FUT9: variants seen among roughly 807,000 people sequenced by gnomAD.
The protein encoded by FUT9 is fucosyltransferase 9.
In FUT9, 15 loss-of-function variants were observed where a neutral mutation model predicts 29.7. The ratio of observed to expected loss-of-function variants is 0.51; its 90% CI spans 0.34 to 0.78. The LOEUF (loss-of-function observed/expected upper bound fraction) is 0.78. FUT9 is among the 30% of genes least tolerant of loss of function. FUT9 has a pLI of 0.01. For missense variants in FUT9, 319 were observed against 425.4 expected (o/e 0.75, Z 2.20); for synonymous variants, 169 against 153.7 (o/e 1.10, Z -0.74).
At chr6:96,084,148 CAGAG>C (rs1286532317) in intron 1 of FUT9, among the ~76,000 whole-genome samples, 1 of 151,982 alleles carries the variant, frequency 6.6e-6, no homozygotes, top group Non-Finnish European at 1.5e-5. Context: ...AAAATTAAAA[CAGAG>C]AGAGAGATAG....
chr6:96,150,913 GAA>G (rs1350230975), intron 2 of FUT9, among the ~76,000 whole-genome samples: 1 of 152,140 alleles, frequency 6.6e-6, no homozygotes, highest in Admixed American at 6.5e-5. Flanking sequence ...TTTAGCTTTT[GAA>G]GTTTTATAAT....
At chr6:96,165,698 C>A (rs539367843) in intron 2 of FUT9, among the ~76,000 whole-genome samples, 3 of 152,142 alleles carry the variant, frequency 2.0e-5, no homozygotes, top group African/African-American at 7.2e-5. Flanking sequence ...TCACTGCAAC[C>A]TCCACCTCCC....
intron 1 of FUT9, among the ~76,000 whole-genome samples, chr6:96,089,844 G>A (rs1262930516): frequency 1.3e-5 from 2 of 152,180 alleles, no homozygotes; most frequent in African/African-American, 4.8e-5. Context: ...CATTATTAGT[G>A]CAAGGTAAGT....
intron 2 of FUT9, among the ~76,000 whole-genome samples, chr6:96,144,702 T>TTGC (rs377455984): frequency 6.6e-6 from 1 of 152,250 alleles, no homozygotes; most frequent in African/African-American, 2.4e-5. Context: ...TTATCAAACA[T>TTGC]TGCATAGTTT....
chr6:96,042,262 A>G (rs149764096), intron 1 of FUT9, among the ~76,000 whole-genome samples: 151 of 152,278 alleles, frequency 9.9e-4, no homozygotes, highest in African/African-American at 3.5e-3. Flanking sequence ...AGAAACCCTA[A>G]CCTTAAATAT....
At chr6:96,080,966 T>C (rs1176127171) in intron 1 of FUT9, among the ~76,000 whole-genome samples, 1 of 151,952 alleles carries the variant, frequency 6.6e-6, no homozygotes, top group Non-Finnish European at 1.5e-5. Flanking sequence ...TAATTTATAA[T>C]ATCACATTTT....
chr6:96,045,386 T>A (rs549469965), intron 1 of FUT9, among the ~76,000 whole-genome samples: 1 of 152,228 alleles, frequency 6.6e-6, no homozygotes, highest in African/African-American at 2.4e-5. Context: ...GACTGTCATA[T>A]GCTATCCCAG....
Position 96,174,439 on chromosome 6 carries a change from T to C in FUT9, c.-8-28709T>C, listed in dbSNP as rs192138674. ...ATGGCAAATTATAATAAGAAAGAAG[T>C]AAATTACACCTAAAAATAAAAAAAC... On this transcript the variant is annotated intron_variant, in intron 2 of 2. Transcript: ENST00000302103. Among the ~76,000 whole-genome samples, 660 of 152,014 alleles carry C rather than the reference T, an allele frequency of 4.3e-3. 4 individuals carry two copies. Among genetic ancestry groups the C allele is most frequent in the African/African-American group, 0.015 (637 of 41,496 alleles).
intron 1 of FUT9, among the ~76,000 whole-genome samples, chr6:96,081,422 C>A (rs1771235389): frequency 6.6e-6 from 1 of 151,798 alleles, no homozygotes. Context: ...ACTCCTTTCT[C>A]TCCACATCTT....
intron 1 of FUT9, among the ~76,000 whole-genome samples, chr6:96,028,763 T>C (rs1770210339): frequency 4.6e-5 from 7 of 151,606 alleles, no homozygotes; most frequent in Admixed American, 4.6e-4. Flanking sequence ...CAGAATATTA[T>C]ATAATAATGC....
At chr6:96,103,289 A>G (rs1217757219) in intron 1 of FUT9, among the ~76,000 whole-genome samples, 1 of 152,066 alleles carries the variant, frequency 6.6e-6, no homozygotes, top group Non-Finnish European at 1.5e-5. Context: ...CTTTGTCCTA[A>G]ATTTCCATCT....
In FUT9 at chr6:96,181,449, T is replaced by A. The variant is rs142668640; in HGVS notation, c.-8-21699T>A. On this transcript the variant is annotated intron_variant, in intron 2 of 2. Coordinates refer to ENST00000302103, the MANE Select transcript of FUT9 (RefSeq NM_006581.4). ...TTTCTTCATAGTTCTTTTTTAATTTTTTTTTCATAGGTTATTGGGGGAACA... is the reference window on the plus strand; with the variant it reads ...TTTCTTCATAGTTCTTTTTTAATTTATTTTTCATAGGTTATTGGGGGAACA... 3.4e-4 allele frequency among the ~76,000 whole-genome samples: 52 copies of A among 152,088 alleles called. 1 individual carries two copies. The highest frequency in any genetic ancestry group is 1.2e-3 in the African/African-American group (50 of 41,544).
intron 2 of FUT9, among the ~76,000 whole-genome samples, chr6:96,180,903 A>G (rs1293941616): frequency 6.7e-6 from 1 of 149,186 alleles, no homozygotes; most frequent in Non-Finnish European, 1.5e-5. Context: ...TGATGACTTA[A>G]GCAAATGCTC....
Position 96,075,032 on chromosome 6 carries a change from C to T in FUT9, c.-97-39007C>T, listed in dbSNP as rs559040577. ...CTCCTGGCCTCAAGCAACCCTTCCACCTTGGCCTCCCAAAGCACTGGGATT... is the reference window on the plus strand; with the variant it reads ...CTCCTGGCCTCAAGCAACCCTTCCATCTTGGCCTCCCAAAGCACTGGGATT... On this transcript the variant is annotated intron_variant, in intron 1 of 2. Coordinates refer to ENST00000302103, the MANE Select transcript of FUT9 (RefSeq NM_006581.4). 5.9e-5 allele frequency among the ~76,000 whole-genome samples: 9 copies of T among 152,162 alleles called. No homozygotes were observed. The East Asian group carries it at 1.6e-3, about 26-fold the overall frequency.
chr6:96,055,941 T>C (rs891495358), intron 1 of FUT9, among the ~76,000 whole-genome samples: 1 of 152,178 alleles, frequency 6.6e-6, no homozygotes, highest in African/African-American at 2.4e-5. Flanking sequence ...TTGTCTTCTA[T>C]GTTGAAACAA....
At chr6:96,128,022 T>C (rs1275604312) in intron 2 of FUT9, among the ~76,000 whole-genome samples, 5 of 152,278 alleles carry the variant, frequency 3.3e-5, no homozygotes, top group African/African-American at 1.2e-4. Context: ...GTAGAAGCTC[T>C]TTATTTTAAT....
rs753422213 is a variant in FUT9 at position 96,204,198 on chromosome 6, A to G, written c.1043A>G (p.Lys348Arg). The change falls in exon 3 of 3, where the codon AAG becomes AGG. Residue 348 changes from lysine to arginine, a missense_variant. Coordinates refer to ENST00000302103, the MANE Select transcript of FUT9 (RefSeq NM_006581.4). ...CATGTGAAAAGGCATCAAGAATATA[A>G]GTCTGTTGGTAATTTAGAGAAATGG... ...CDHVKRHQEY[K>R]SVGNLEKWFW... 2 of 1,457,108 alleles carry G rather than the reference A, an allele frequency of 1.4e-6. No individual in the cohort carries two copies. Among genetic ancestry groups the G allele is most frequent in the Non-Finnish European group, 1.8e-6 (2 of 1,101,906 alleles). The allele number at this position is 1,457,108 out of a possible 1,614,324, so 90.3% of individuals were successfully genotyped here.
chr6:96,201,699 A>G (rs951253617), intron 2 of FUT9, among the ~76,000 whole-genome samples: 2 of 151,918 alleles, frequency 1.3e-5, no homozygotes, highest in African/African-American at 2.4e-5. Flanking sequence ...CCAAGGATTG[A>G]TTAATAATTT....
chr6:96,057,815 A>G (rs766003453), intron 1 of FUT9, among the ~76,000 whole-genome samples: 7 of 152,212 alleles, frequency 4.6e-5, no homozygotes, highest in Non-Finnish European at 7.3e-5. Flanking sequence ...CCTAAATGAT[A>G]TAACATAAGA....
Sources: gnomAD v4.1 joint callset for allele counts (sites outside exome capture counted in the v4.1 genomes callset) on GRCh38, gnomAD v4.1.1 for gene constraint, MANE v1.5 for transcripts, NCBI Gene and HGNC (gene_info 2026-07-23, HGNC 2026-07-21) for gene names.